Variants in DLC1 observed in about 807,000 individuals in gnomAD.
The protein encoded by DLC1 is DLC1 Rho GTPase activating protein, also known as rho GTPase-activating protein 7.
Under a neutral mutation model 140.3 loss-of-function variants are expected in DLC1, and 54 were observed. That is an observed-to-expected ratio of 0.38 (90% CI 0.31 to 0.48). The LOEUF (loss-of-function observed/expected upper bound fraction) is 0.48, where lower values mean the gene tolerates loss of function less well. Among genes scored for constraint, DLC1 ranks in the 20% least tolerant of loss-of-function variants. The pLI, the probability that DLC1 is intolerant of heterozygous loss-of-function variation, is 0.96. For missense variants in DLC1, 2,536 were observed against 1,907.0 expected (o/e 1.33, Z -6.14); for synonymous variants, 986 against 728.1 (o/e 1.35, Z -5.70).
chr8:13,256,706 C>T (rs1355282649), intron 5 of DLC1, among the ~76,000 whole-genome samples: 1 of 152,016 alleles, frequency 6.6e-6, no homozygotes, highest in African/African-American at 2.4e-5. Context: ...GGGAACATCA[C>T]ACACTGGGGC....
At chr8:13,199,131 T>C (rs543485078) in intron 5 of DLC1, among the ~76,000 whole-genome samples, 1 of 151,986 alleles carries the variant, frequency 6.6e-6, no homozygotes, top group Admixed American at 6.6e-5. Context: ...CCAAACATGC[T>C]TTTAAAAATA....
intron 2 of DLC1, among the ~76,000 whole-genome samples, chr8:13,405,362 A>G (rs1837479152): frequency 6.6e-6 from 1 of 152,044 alleles, no homozygotes; most frequent in Non-Finnish European, 1.5e-5. Context: ...GTGCCCAACA[A>G]TTAACATATT....
At position 13,152,824 on chromosome 8, in the gene DLC1, G is replaced by GAAAAA. The variant is rs773483544; in HGVS notation, c.1349-37172_1349-37168dup. Among the ~76,000 whole-genome samples the GAAAAA allele has an allele frequency of 7.6e-3, 697 of 91,344 alleles. 18 individuals carry two copies. The highest frequency in any genetic ancestry group is 0.028 in the African/African-American group (670 of 23,658). 59.9% of individuals were successfully genotyped at this position (91,344 alleles called of 152,430 possible). On this transcript the variant is annotated intron_variant, in intron 5 of 17. Coordinates refer to ENST00000276297, the MANE Select transcript of DLC1 (RefSeq NM_182643.3). ...AGACTGAGACCCTGTCTCTGGGGAA[G>GAAAAA]AAAAAAAAAAAAAAAGCAACCAACC...
chr8:13,393,126 G>A (rs538924113), intron 4 of DLC1, among the ~76,000 whole-genome samples: 1 of 148,476 alleles, frequency 6.7e-6, no homozygotes, highest in Non-Finnish European at 1.5e-5. Context: ...CAATCAATCA[G>A]TCTATCTGTC....
At chr8:13,213,011 C>A (rs191843809) in intron 5 of DLC1, among the ~76,000 whole-genome samples, 3 of 152,024 alleles carry the variant, frequency 2.0e-5, no homozygotes, top group Non-Finnish European at 4.4e-5. Flanking sequence ...CTTTTGGAAT[C>A]CTCACATTTC....
chr8:13,154,296 G>A (rs898434668), intron 5 of DLC1, among the ~76,000 whole-genome samples: 13 of 152,180 alleles, frequency 8.5e-5, no homozygotes, highest in African/African-American at 1.4e-4. Context: ...AGCCCGCTGC[G>A]GTGGGGGCTC....
At chr8:13,217,357 A>C (rs1828252328) in intron 5 of DLC1, among the ~76,000 whole-genome samples, 4 of 152,128 alleles carry the variant, frequency 2.6e-5, no homozygotes. Context: ...TTCATGAAGG[A>C]TGTGTGTGGC....
At chr8:13,191,658 A>G (rs1485165174) in intron 5 of DLC1, among the ~76,000 whole-genome samples, 1 of 152,152 alleles carries the variant, frequency 6.6e-6, no homozygotes, top group Non-Finnish European at 1.5e-5. Context: ...TGTTAAATCA[A>G]TTTCTGTGCT....
At chr8:13,303,554 C>G (rs1832292518) in intron 5 of DLC1, among the ~76,000 whole-genome samples, 1 of 152,156 alleles carries the variant, frequency 6.6e-6, no homozygotes, top group African/African-American at 2.4e-5. Flanking sequence ...GTAATCCCAG[C>G]ACTTTGGGAG....
At chr8:13,462,069 A>G (rs924518745) in intron 2 of DLC1, among the ~76,000 whole-genome samples, 1 of 152,144 alleles carries the variant, frequency 6.6e-6, no homozygotes, top group Admixed American at 6.5e-5. Flanking sequence ...CATTATAGGA[A>G]TAGTAGGGGC....
At chr8:13,594,286 T>A (rs1221880084) in intron 1 of DLC1, among the ~76,000 whole-genome samples, 1 of 152,152 alleles carries the variant, frequency 6.6e-6, no homozygotes, top group African/African-American at 2.4e-5. Flanking sequence ...ATAGGCCTTT[T>A]TATTGATTTT....
chr8:13,350,334 T>G (rs997504823), intron 4 of DLC1, among the ~76,000 whole-genome samples: 3 of 152,114 alleles, frequency 2.0e-5, no homozygotes, highest in Non-Finnish European at 2.9e-5. Flanking sequence ...ATTTACTGCA[T>G]GTGGTTGAAG....
chr8:13,310,034 G>GTTCT (rs1379342475), intron 4 of DLC1, among the ~76,000 whole-genome samples: 3 of 151,842 alleles, frequency 2.0e-5, no homozygotes, highest in Non-Finnish European at 2.9e-5. Flanking sequence ...TTTCCTCTTA[G>GTTCT]TTCTTTAGAA....
chr8:13,108,479 G>A (rs190599566), intron 7 of DLC1, among the ~76,000 whole-genome samples: 2 of 152,154 alleles, frequency 1.3e-5, no homozygotes, highest in African/African-American at 4.8e-5. Context: ...TTCAGAGAAA[G>A]GTGGCTTCTC....
chr8:13,126,368 TACACACACACACAC>T (rs3065349), intron 5 of DLC1, among the ~76,000 whole-genome samples: 2 of 145,494 alleles, frequency 1.4e-5, no homozygotes, highest in Admixed American at 1.4e-4. Context: ...TCTCTATCCA[TACACACACACACAC>T]ACACACACAC....
chr8:13,253,401 T>C (rs1023577425), intron 5 of DLC1, among the ~76,000 whole-genome samples: 3 of 151,934 alleles, frequency 2.0e-5, no homozygotes, highest in African/African-American at 7.3e-5. Context: ...CTTGTGTAAG[T>C]GGTGGTTCTC....
At chr8:13,246,722 C>T (rs190199834) in intron 5 of DLC1, among the ~76,000 whole-genome samples, 1 of 151,954 alleles carries the variant, frequency 6.6e-6, no homozygotes, top group Admixed American at 6.6e-5. Flanking sequence ...CATTGCTTCA[C>T]TAACATCTTT....
chr8:13,579,315 T>TTATATATATATA (rs369773134), intron 1 of DLC1, among the ~76,000 whole-genome samples: 1 of 10,670 alleles, frequency 9.4e-5, no homozygotes, highest in African/African-American at 3.4e-4. Context: ...AGGTCTGACT[T>TTATATATATATA]TATATATATA....
At chr8:13,410,311 A>G (rs1837730554) in intron 2 of DLC1, among the ~76,000 whole-genome samples, 1 of 152,152 alleles carries the variant, frequency 6.6e-6, no homozygotes, top group Non-Finnish European at 1.5e-5. Context: ...ATTTCTATAA[A>G]ACTAGGAAAA....
Sources: allele counts gnomAD v4.1 joint callset (sites outside exome capture counted in the v4.1 genomes callset), GRCh38; gene constraint gnomAD v4.1.1; transcripts MANE v1.5; gene names NCBI Gene and HGNC (gene_info 2026-07-23, HGNC 2026-07-21).